KCNMB3: variants seen among roughly 807,000 people sequenced by gnomAD.
KCNMB3 encodes potassium calcium-activated channel subfamily M regulatory beta subunit 3.
KCNMB3 carries 18 observed loss-of-function variants against 11.9 expected under a neutral mutation model. That is an observed-to-expected ratio of 1.51 (90% CI 1.04 to 2.23). KCNMB3 has a LOEUF of 2.23. KCNMB3 is among the 30% of genes most tolerant of loss of function. The pLI is 0.00. For synonymous variants in KCNMB3, 78 were observed against 119.2 expected (o/e 0.65, Z 2.25); for missense variants, 247 against 329.4 (o/e 0.75, Z 1.94).
intron 1 of KCNMB3, chr3:179,259,713 C>T (rs2108455512): frequency 1.9e-5 from 31 of 1,591,400 alleles, no homozygotes; most frequent in Non-Finnish European, 2.6e-5. Context: ...GGATTTTTTC[C>T]TCTTCTTTTT....
chr3:179,246,149 T>A (rs1725635162), intron 1 of KCNMB3, among the ~76,000 whole-genome samples: 2 of 151,486 alleles, frequency 1.3e-5, no homozygotes, highest in African/African-American at 4.9e-5. Flanking sequence ...CAGTGGCTCA[T>A]GCCTATAATC....
chr3:179,251,251 G>C (rs1052422042), upstream of KCNMB3: 2 of 1,487,022 alleles, frequency 1.3e-6, no homozygotes, highest in Non-Finnish European at 1.8e-6. Context: ...TACGAACTTT[G>C]TTATCTTTCA....
upstream of KCNMB3, among the ~76,000 whole-genome samples, chr3:179,252,532 G>A (rs1188849307): frequency 6.6e-6 from 1 of 152,046 alleles, no homozygotes. Flanking sequence ...AGGAATGTCA[G>A]ACAATCCAGA....
intron 1 of KCNMB3, chr3:179,259,824 G>A (rs1443411937): frequency 6.2e-7 from 1 of 1,604,900 alleles, no homozygotes; most frequent in African/African-American, 1.3e-5. Flanking sequence ...TTCACTTTGA[G>A]TGTCTACTGT....
upstream of KCNMB3, among the ~76,000 whole-genome samples, chr3:179,254,983 G>T (rs1725965344): frequency 6.6e-6 from 1 of 151,914 alleles, no homozygotes; most frequent in Non-Finnish European, 1.5e-5. Context: ...CGGCCAACAT[G>T]GCTAAGCCCT....
intron 1 of KCNMB3, among the ~76,000 whole-genome samples, chr3:179,249,349 GAGAAA>G (rs1414885441): frequency 6.7e-6 from 1 of 148,266 alleles, no homozygotes; most frequent in Non-Finnish European, 1.5e-5. Flanking sequence ...AAATAAGCTA[GAGAAA>G]AGAAAATGTT....
At chr3:179,258,736 T>C (rs1452528743) in intron 1 of KCNMB3, among the ~76,000 whole-genome samples, 1 of 152,242 alleles carries the variant, frequency 6.6e-6, no homozygotes. Context: ...TTTTATTAAG[T>C]GGACTATAAA....
At chr3:179,243,945 G>A (rs892957015) in intron 2 of KCNMB3, among the ~76,000 whole-genome samples, 3 of 152,070 alleles carry the variant, frequency 2.0e-5, no homozygotes, top group African/African-American at 4.8e-5. Context: ...AAAAGTCATC[G>A]GATTGAAATT....
chr3:179,243,396 A>G (rs1725529002), intron 2 of KCNMB3, 112 bp from the exon 3 acceptor site: 1 of 775,470 alleles, frequency 1.3e-6, no homozygotes, highest in South Asian at 1.7e-5. Flanking sequence ...GGCAGTTTCA[A>G]TCTTAGAAGG....
At chr3:179,240,100 G>C, downstream of KCNMB3, 1 of 1,424,010 alleles carries the variant, frequency 7.0e-7, no homozygotes, top group Non-Finnish European at 9.6e-7. Context: ...ATTACTTTTT[G>C]TGTCCAAACA....
At chr3:179,266,707 G>T in exon 1 of KCNMB3, 1 of 1,614,136 alleles carries the variant, frequency 6.2e-7, no homozygotes, top group Non-Finnish European at 8.5e-7. Context: ...CTGAAGGGCT[G>T]CATGAGGCCA....
chr3:179,249,393 G>A (rs1259856800), intron 1 of KCNMB3, among the ~76,000 whole-genome samples: 1 of 149,552 alleles, frequency 6.7e-6, no homozygotes, highest in Admixed American at 6.6e-5. Flanking sequence ...AGGCATGGTG[G>A]CTCACGCCTG....
chr3:179,243,183 T>A lies in KCNMB3; in HGVS notation c.549A>T (p.Ser183=), dbSNP rs773728980. 1.7e-5 allele frequency: 25 copies of A among 1,462,078 alleles called. No homozygotes were observed. Among genetic ancestry groups the A allele is most frequent in the Non-Finnish European group, 2.1e-5 (22 of 1,059,944 alleles). The allele number at this position is 1,462,078 out of a possible 1,614,324, so 90.6% of individuals were successfully genotyped here. ...FFDHKNGTPF[S]CFYSPASQSE... ...ATTGGCTGGCTGGACTGTAGAAGCA[T>A]GAAAAGGGGGTTCCATTTTTGTGAT... The change falls in exon 3 of 3, where the codon TCA becomes TCT. Residue 183 remains serine, a synonymous_variant. Coordinates refer to ENST00000392685, the MANE Select transcript of KCNMB3 (RefSeq NM_171830.2).
chr3:179,261,194 A>C (rs1726195580), intron 1 of KCNMB3: 2 of 1,348,684 alleles, frequency 1.5e-6, no homozygotes, highest in Admixed American at 5.4e-5. Flanking sequence ...TTTTGCGGCG[A>C]GCCGGGCCTC....
chr3:179,259,381 G>A (rs1726127665), intron 1 of KCNMB3: 1 of 1,579,826 alleles, frequency 6.3e-7, no homozygotes, highest in Admixed American at 1.8e-5. Flanking sequence ...CCAGCCCTCG[G>A]GCCTGATGAT....
intron 1 of KCNMB3, among the ~76,000 whole-genome samples, chr3:179,258,072 G>A (rs1726080010): frequency 6.6e-6 from 1 of 152,042 alleles, no homozygotes; most frequent in Non-Finnish European, 1.5e-5. Flanking sequence ...TTTTCGTAGA[G>A]ACAGGGTTTC....
chr3:179,261,486 G>A (rs1229302636), intron 1 of KCNMB3, among the ~76,000 whole-genome samples: 2 of 151,652 alleles, frequency 1.3e-5, no homozygotes, highest in Non-Finnish European at 3.0e-5. Context: ...GGGGCGGGGC[G>A]TAGGTGGCCG....
upstream of KCNMB3, chr3:179,251,194 A>G (rs1725832058): frequency 1.3e-6 from 2 of 1,595,866 alleles, no homozygotes. Flanking sequence ...AAGTCTGTAG[A>G]GATCTGTTTA....
At chr3:179,257,686 CAA>C (rs1360726838) in intron 1 of KCNMB3, among the ~76,000 whole-genome samples, 1 of 152,124 alleles carries the variant, frequency 6.6e-6, no homozygotes, top group Admixed American at 6.5e-5. Flanking sequence ...GAAATTCAAA[CAA>C]AGAGAAGTAA....
Sources: gnomAD v4.1 joint callset for allele counts (sites outside exome capture counted in the v4.1 genomes callset) on GRCh38, gnomAD v4.1.1 for gene constraint, MANE v1.5 for transcripts, NCBI Gene and HGNC (gene_info 2026-07-23, HGNC 2026-07-21) for gene names.